The following SLC24A2 variants were observed in gnomAD, a reference collection of about 807,000 sequenced individuals.
SLC24A2 encodes solute carrier family 24 member 2, also known as sodium/potassium/calcium exchanger 2.
A neutral mutation model predicts 62.0 loss-of-function variants in SLC24A2; 36 were observed. The observed-to-expected ratio is 0.58, with a 90% CI of 0.44 to 0.77. The LOEUF (loss-of-function observed/expected upper bound fraction) is 0.77, where lower values mean the gene tolerates loss of function less well. SLC24A2 is among the 30% of genes least tolerant of loss of function. The pLI is 0.00. For synonymous variants in SLC24A2, 358 were observed against 294.0 expected (o/e 1.22, Z -2.23); for missense variants, 846 against 817.9 (o/e 1.03, Z -0.42).
At chr9:20,234,299 C>T in the SLC24A2 span, among the ~76,000 whole-genome samples, 1 of 152,206 alleles carries the variant, frequency 6.6e-6, no homozygotes. Context: ...GGAAGTTCTC[C>T]TGGATAATAT....
At chr9:20,234,690 G>A in the SLC24A2 span, among the ~76,000 whole-genome samples, 3 of 152,016 alleles carry the variant, frequency 2.0e-5, no homozygotes, top group African/African-American at 4.8e-5. Flanking sequence ...CTGTAGCTCA[G>A]AGTAGTTTGA....
the SLC24A2 span, among the ~76,000 whole-genome samples, chr9:20,266,893 C>A: frequency 2.0e-5 from 3 of 151,994 alleles, no homozygotes; most frequent in East Asian, 1.9e-4. Context: ...ACCTGGTCAA[C>A]AGAATGAGAC....
intron 7 of SLC24A2, among the ~76,000 whole-genome samples, chr9:19,560,798 G>A (rs1835349456): frequency 6.6e-6 from 1 of 151,618 alleles, no homozygotes; most frequent in Non-Finnish European, 1.5e-5. Flanking sequence ...TTTTTAAATT[G>A]TCCCTTTTTT....
the SLC24A2 span, among the ~76,000 whole-genome samples, chr9:19,905,498 T>A: frequency 3.3e-5 from 5 of 151,764 alleles, no homozygotes; most frequent in African/African-American, 9.7e-5. Flanking sequence ...AACCTCTGCT[T>A]CCTAGGTTCA....
the SLC24A2 span, among the ~76,000 whole-genome samples, chr9:19,803,886 A>G: frequency 6.6e-6 from 1 of 152,216 alleles, no homozygotes. Context: ...TAATTGAGAT[A>G]TAATTCATAT....
At chr9:19,788,823 G>A (rs1823257389) in intron 1 of SLC24A2, 62 bp downstream of exon 1, 1 of 985,456 alleles carries the variant, frequency 1.0e-6, no homozygotes, top group Non-Finnish European at 1.2e-6. Context: ...GCGCAACCGG[G>A]ATGCGGGGAC....
the SLC24A2 span, among the ~76,000 whole-genome samples, chr9:20,152,118 G>T: frequency 1.3e-5 from 2 of 151,812 alleles, no homozygotes; most frequent in Non-Finnish European, 2.9e-5. Flanking sequence ...ATCAACATTT[G>T]TGAAAGCTAA....
chr9:20,092,954 T>A, the SLC24A2 span, among the ~76,000 whole-genome samples: 7 of 152,204 alleles, frequency 4.6e-5, no homozygotes, highest in South Asian at 1.4e-3. Flanking sequence ...TTCTTTTTTA[T>A]AGAATGAAAT....
the SLC24A2 span, among the ~76,000 whole-genome samples, chr9:20,043,457 GTA>G: frequency 2.0e-5 from 3 of 152,316 alleles, no homozygotes; most frequent in East Asian, 5.8e-4. Flanking sequence ...TCTGGACAAA[GTA>G]TATTGAAAAG....
At chr9:19,815,517 T>C in the SLC24A2 span, among the ~76,000 whole-genome samples, 1 of 152,144 alleles carries the variant, frequency 6.6e-6, no homozygotes, top group East Asian at 1.9e-4. Context: ...ATCCTTTTTT[T>C]CCTTTTAAAA....
At chr9:19,637,478 C>A (rs1036262061) in intron 2 of SLC24A2, among the ~76,000 whole-genome samples, 2 of 152,194 alleles carry the variant, frequency 1.3e-5, no homozygotes. Flanking sequence ...TCTGTGATTG[C>A]ATTCACCTTG....
At chr9:20,209,074 A>C in the SLC24A2 span, among the ~76,000 whole-genome samples, 1 of 152,202 alleles carries the variant, frequency 6.6e-6, no homozygotes. Flanking sequence ...TCTGTTTCAT[A>C]GACTGCTGTG....
intron 2 of SLC24A2, among the ~76,000 whole-genome samples, chr9:19,732,183 C>T (rs1274426556): frequency 6.6e-6 from 1 of 152,150 alleles, no homozygotes; most frequent in Non-Finnish European, 1.5e-5. Context: ...ATTTGTCCAG[C>T]TATGGTCAGC....
chr9:19,725,807 C>T (rs1821152644), intron 2 of SLC24A2, among the ~76,000 whole-genome samples: 1 of 152,156 alleles, frequency 6.6e-6, no homozygotes, highest in Non-Finnish European at 1.5e-5. Context: ...ACCCACAGAT[C>T]AGCACTCAAT....
the SLC24A2 span, among the ~76,000 whole-genome samples, chr9:20,173,952 C>T: frequency 1.3e-5 from 2 of 151,956 alleles, no homozygotes; most frequent in South Asian, 4.1e-4. Flanking sequence ...TCAAACTATA[C>T]TAGAAAACCA....
the SLC24A2 span, among the ~76,000 whole-genome samples, chr9:20,011,722 A>G: frequency 6.6e-6 from 1 of 152,208 alleles, no homozygotes; most frequent in African/African-American, 2.4e-5. Flanking sequence ...GTCACCAATC[A>G]AATTTAACCT....
At chr9:20,070,908 C>T in the SLC24A2 span, among the ~76,000 whole-genome samples, 5 of 152,110 alleles carry the variant, frequency 3.3e-5, no homozygotes, top group African/African-American at 1.2e-4. Flanking sequence ...AAACTGTAAT[C>T]CCCGGTGTTG....
the SLC24A2 span, among the ~76,000 whole-genome samples, chr9:20,045,830 G>A: frequency 6.6e-6 from 1 of 152,170 alleles, no homozygotes; most frequent in Non-Finnish European, 1.5e-5. Context: ...CTATGAGTGT[G>A]CCTAATCATA....
the SLC24A2 span, among the ~76,000 whole-genome samples, chr9:20,307,438 G>A: frequency 6.6e-6 from 1 of 152,190 alleles, no homozygotes; most frequent in African/African-American, 2.4e-5. Flanking sequence ...CCACATTTGG[G>A]AAAGGCTGCT....
Sources: allele counts gnomAD v4.1 joint callset (sites outside exome capture counted in the v4.1 genomes callset), GRCh38; gene constraint gnomAD v4.1.1; transcripts MANE v1.5; gene names NCBI Gene and HGNC (gene_info 2026-07-23, HGNC 2026-07-21).